EVL: variants seen among roughly 807,000 people sequenced by gnomAD.
EVL encodes Enah/Vasp-like.
EVL carries 21 observed loss-of-function variants against 59.6 expected under a neutral mutation model. That is an observed-to-expected ratio of 0.35 (90% confidence interval 0.25 to 0.51). The LOEUF is 0.51. Ranked by LOEUF, EVL falls within the 20% of genes least tolerant of loss-of-function variation. The pLI is 0.97. For missense variants in EVL, 462 were observed against 546.6 expected, an observed-to-expected ratio of 0.85 and a Z score of 1.54; for synonymous variants, 198 against 203.5, an observed-to-expected ratio of 0.97 and a Z score of 0.23.
chr14:100,080,358 C>CG (rs968685191), intron 1 of EVL, among the ~76,000 whole-genome samples: 2 of 152,176 alleles, frequency 1.3e-5, no homozygotes, highest in Non-Finnish European at 2.9e-5. Flanking sequence ...GCTGAAGCAG[C>CG]GACAGGACAA....
chr14:100,116,035 T>C (rs2140354903), intron 3 of EVL, among the ~76,000 whole-genome samples: 1 of 152,386 alleles, frequency 6.6e-6, no homozygotes, highest in Non-Finnish European at 1.5e-5. Flanking sequence ...CCACCAATTC[T>C]TGTATGGCCT....
chr14:99,976,115 G>A (rs1019934993), intron 1 of EVL, among the ~76,000 whole-genome samples: 2 of 151,852 alleles, frequency 1.3e-5, no homozygotes, highest in African/African-American at 4.8e-5. Flanking sequence ...ACTCACTACA[G>A]CCTTAAACTC....
At chr14:100,079,397 A>G (rs1391597135) in intron 1 of EVL, among the ~76,000 whole-genome samples, 1 of 152,222 alleles carries the variant, frequency 6.6e-6, no homozygotes, top group Non-Finnish European at 1.5e-5. Context: ...TGTCTACAGC[A>G]TACAGGGACT....
chr14:100,134,893 G>C (rs1042055663), intron 8 of EVL: 3 of 152,178 alleles, frequency 2.0e-5, no homozygotes, highest in East Asian at 3.9e-4. Flanking sequence ...CTGTGCCCAG[G>C]GCCTGGGAGT....
Position 100,047,114 on chromosome 14 carries a change from C to CTTTTTTTTTTTTTTTTTTTT in EVL, c.6-37572_6-37571insTTTTTTTTTTTTTTTTTTTT, listed in dbSNP as rs1379774654. Among the ~76,000 whole-genome samples, 305 of 95,094 alleles carry CTTTTTTTTTTTTTTTTTTTT rather than the reference C, an allele frequency of 3.2e-3. 83 individuals carry two copies. Among genetic ancestry groups the CTTTTTTTTTTTTTTTTTTTT allele is most frequent in the Middle Eastern group, 0.013 (2 of 150 alleles). 62.4% of individuals were successfully genotyped at this position (95,094 alleles called of 152,430 possible). ...ATTTTGAGACCTTGGGCAGATCTCT[C>CTTTTTTTTTTTTTTTTTTTT]TCTCTTTTTTTTTTTTTTTTTTTTT... is the stretch of plus-strand genomic sequence containing the variant. On this transcript the variant is annotated intron_variant, in intron 1 of 13. Coordinates refer to the EVL transcript ENST00000402714.
At chr14:100,017,866 G>A (rs1238794316) in intron 1 of EVL, among the ~76,000 whole-genome samples, 2 of 152,182 alleles carry the variant, frequency 1.3e-5, no homozygotes, top group African/African-American at 4.8e-5. Flanking sequence ...GCCTCGTTTG[G>A]CCTTTGTCAC....
At chr14:100,042,994 C>G (rs1595083402) in intron 1 of EVL, among the ~76,000 whole-genome samples, 1 of 152,116 alleles carries the variant, frequency 6.6e-6, no homozygotes, top group East Asian at 1.9e-4. Flanking sequence ...TTTGTGAGTC[C>G]TTATTAAATT....
At position 100,143,952 on chromosome 14, in the gene EVL, T is replaced by C. The variant is rs1889369112; in HGVS notation, c.*214T>C. The C allele has an allele frequency of 1.8e-6, 1 of 560,236 alleles. No homozygotes were observed. The highest frequency in any genetic ancestry group is 1.9e-5 in the African/African-American group (1 of 52,688). 34.7% of individuals were successfully genotyped at this position (560,236 alleles called of 1,614,324 possible). On this transcript the variant is annotated 3_prime_UTR_variant, in exon 14 of 14. Coordinates refer to ENST00000392920, the MANE Select transcript of EVL (RefSeq NM_016337.3). Reference sequence around the variant, plus strand: ...ATTCTGCCTGACACGGAACACCAGGTCTGCTCGTCTTTTTTGTGTTTTATA... The same window carrying C: ...ATTCTGCCTGACACGGAACACCAGGCCTGCTCGTCTTTTTTGTGTTTTATA...
At chr14:100,138,558 C>G (rs1045941662) in intron 11 of EVL, 2 of 152,656 alleles carry the variant, frequency 1.3e-5, no homozygotes, top group Non-Finnish European at 2.9e-5. Context: ...GGCATTGAAA[C>G]TGGCCTTGCA....
chr14:99,979,487 T>G (rs2060792561), intron 1 of EVL, among the ~76,000 whole-genome samples: 1 of 152,208 alleles, frequency 6.6e-6, no homozygotes, highest in Admixed American at 6.5e-5. Context: ...CTTTTTTTTT[T>G]CAGTTATATG....
At chr14:100,125,150 A>ACACACCTGCCCCAAGGCAGGACC in intron 4 of EVL, among the ~76,000 whole-genome samples, 1 of 128,354 alleles carries the variant, frequency 7.8e-6, no homozygotes, top group South Asian at 2.6e-4. Context: ...ACACACACAC[A>ACACACCTGCCCCAAGGCAGGACC]CCTGCCCCAA....
chr14:100,046,591 T>C lies in EVL; in HGVS notation c.6-38096T>C, dbSNP rs146198780. Reference sequence around the variant, plus strand: ...CTGAGGTGGGAGGGTTGCTTGAGCCTGGGAGGCAGAGGCTGCAGTGAGCCA... The same window carrying C: ...CTGAGGTGGGAGGGTTGCTTGAGCCCGGGAGGCAGAGGCTGCAGTGAGCCA... On this transcript the variant is annotated intron_variant, in intron 1 of 13. Transcript: ENST00000402714. Among the ~76,000 whole-genome samples, 687 of 151,196 alleles carry C rather than the reference T, an allele frequency of 4.5e-3. 2 individuals carry two copies. Among genetic ancestry groups the C allele is most frequent in the African/African-American group, 0.016 (654 of 41,114 alleles).
intron 1 of EVL, among the ~76,000 whole-genome samples, chr14:99,996,306 A>G (rs2060913752): frequency 6.6e-6 from 1 of 152,164 alleles, no homozygotes; most frequent in African/African-American, 2.4e-5. Flanking sequence ...TTTCTCACAG[A>G]GGCCATCTAA....
intron 1 of EVL, among the ~76,000 whole-genome samples, chr14:100,029,963 T>C (rs1566975498): frequency 6.6e-6 from 1 of 152,208 alleles, no homozygotes. Flanking sequence ...TGTTTTGCCA[T>C]GCTGCTAGCA....
intron 2 of EVL, among the ~76,000 whole-genome samples, chr14:100,086,544 G>A (rs2062447314): frequency 6.6e-6 from 1 of 152,224 alleles, no homozygotes; most frequent in Non-Finnish European, 1.5e-5. Context: ...GTAGGAAGAC[G>A]GCATGGTGTA....
intron 1 of EVL, among the ~76,000 whole-genome samples, chr14:99,981,968 C>T (rs911888148): frequency 6.6e-6 from 1 of 152,084 alleles, no homozygotes; most frequent in African/African-American, 2.4e-5. Context: ...GCAAGTGCTG[C>T]AGTAAGAGTG....
chr14:100,076,710 G>A (rs550993323), intron 1 of EVL, among the ~76,000 whole-genome samples: 2 of 152,356 alleles, frequency 1.3e-5, no homozygotes, highest in African/African-American at 4.8e-5. Flanking sequence ...GAAGTGGCCT[G>A]AGCCACAGCA....
chr14:100,045,242 T>C (rs56216955), intron 1 of EVL, among the ~76,000 whole-genome samples: 2,714 of 152,284 alleles, frequency 0.018, 35 homozygotes, highest in Non-Finnish European at 0.027. Flanking sequence ...CTCCTACTCC[T>C]GCCTTAATCC....
intron 1 of EVL, among the ~76,000 whole-genome samples, chr14:100,016,048 C>T (rs1249245835): frequency 6.7e-6 from 1 of 148,500 alleles, no homozygotes; most frequent in Non-Finnish European, 1.5e-5. Context: ...CACTGCGCTC[C>T]AGCCTGCGTG....
Sources: allele counts gnomAD v4.1 joint callset (sites outside exome capture counted in the v4.1 genomes callset), GRCh38; gene constraint gnomAD v4.1.1; transcripts MANE v1.5; gene names NCBI Gene and HGNC (gene_info 2026-07-23, HGNC 2026-07-21).